THSD7A: variants seen among roughly 807,000 people sequenced by gnomAD.
The protein encoded by THSD7A is thrombospondin type 1 domain containing 7A.
In THSD7A, 96 loss-of-function variants were observed where a neutral mutation model predicts 231.3. The ratio of observed to expected loss-of-function variants is 0.41; its 90% CI spans 0.35 to 0.49. THSD7A has a LOEUF of 0.49. Among genes scored for constraint, THSD7A ranks in the 20% least tolerant of loss-of-function variants. THSD7A has a pLI of 0.05. For missense variants in THSD7A, 2,290 were observed against 2,070.2 expected (o/e 1.11, Z -2.06); for synonymous variants, 940 against 743.3 (o/e 1.26, Z -4.30).
At chr7:11,816,138 A>G (rs1222180784) in intron 1 of THSD7A, among the ~76,000 whole-genome samples, 1 of 152,180 alleles carries the variant, frequency 6.6e-6, no homozygotes, top group Non-Finnish European at 1.5e-5. Flanking sequence ...AGCCTCAAAT[A>G]GTTTATTTAC....
At chr7:11,472,685 G>C (rs1785985115) in intron 8 of THSD7A, among the ~76,000 whole-genome samples, 1 of 152,126 alleles carries the variant, frequency 6.6e-6, no homozygotes, top group Non-Finnish European at 1.5e-5. Context: ...AATCCAGCAG[G>C]CTCTTTCACA....
At chr7:11,766,337 G>A (rs181457834) in intron 1 of THSD7A, among the ~76,000 whole-genome samples, 1 of 152,268 alleles carries the variant, frequency 6.6e-6, no homozygotes, top group East Asian at 1.9e-4. Context: ...GATCTGAACA[G>A]CAATTTTATC....
chr7:11,447,430 A>G lies in THSD7A; in HGVS notation c.2606-6T>C, dbSNP rs1379282082. 3.2e-6 allele frequency: 5 copies of G among 1,541,824 alleles called. No individual in the cohort carries two copies. Among genetic ancestry groups the G allele is most frequent in the Non-Finnish European group, 3.5e-6 (4 of 1,147,876 alleles). ...TTGCTTGCGACAAGTAATGGCTAAA[A>G]GAAAAGCATAAAGCTGTTATAACAA... On this transcript the variant is annotated splice_polypyrimidine_tract_variant and splice_region_variant and intron_variant, in intron 11 of 27. Transcript: ENST00000423059.
intron 1 of THSD7A, among the ~76,000 whole-genome samples, chr7:11,786,197 C>T (rs1205673828): frequency 6.6e-6 from 1 of 151,228 alleles, no homozygotes; most frequent in Non-Finnish European, 1.5e-5. Context: ...AGACACTGGA[C>T]CTACTATACG....
intron 1 of THSD7A, among the ~76,000 whole-genome samples, chr7:11,766,949 A>G (rs952138706): frequency 2.0e-5 from 3 of 152,200 alleles, no homozygotes; most frequent in East Asian, 1.9e-4. Context: ...TATGGTAATG[A>G]TGATGTGGCA....
At chr7:11,504,040 CA>C (rs1374324642) in intron 6 of THSD7A, among the ~76,000 whole-genome samples, 1 of 151,970 alleles carries the variant, frequency 6.6e-6, no homozygotes, top group African/African-American at 2.4e-5. Context: ...TTCACAATAG[CA>C]AAGCCATGGA....
intron 1 of THSD7A, among the ~76,000 whole-genome samples, chr7:11,736,470 T>C (rs1781915682): frequency 6.8e-6 from 1 of 148,128 alleles, no homozygotes. Context: ...TGTGTGTGTG[T>C]GTGTGTGTGT....
intron 1 of THSD7A, among the ~76,000 whole-genome samples, chr7:11,661,378 T>C (rs1316585936): frequency 6.6e-6 from 1 of 151,372 alleles, no homozygotes; most frequent in Non-Finnish European, 1.5e-5. Flanking sequence ...ATAGGACAGC[T>C]AGATATCAGC....
intron 1 of THSD7A, among the ~76,000 whole-genome samples, chr7:11,811,540 T>TC (rs1301228530): frequency 6.6e-6 from 1 of 152,156 alleles, no homozygotes; most frequent in Non-Finnish European, 1.5e-5. Context: ...CTAATTTTCA[T>TC]CTCCTTCATC....
Position 11,636,333 on chromosome 7 carries a change from T to C in THSD7A, c.819A>G (p.Gln273=), listed in dbSNP as rs370739062. The change falls in exon 2 of 28, where the codon CAA becomes CAG. Residue 273 remains glutamine (Q), a synonymous_variant. Transcript: ENST00000423059. The surrounding 1 kb of genome is among the most constrained non-coding windows in gnomAD (Gnocchi z 10.0). ...CSMPHSRQVR[Q]ARRRGKNKER... ...CTTTATTCTTCCCGCGTCTCCTTGC[T>C]TGTCTTACTTGTCGGGAGTGGGGCA... The C allele has an allele frequency of 7.4e-6, 12 of 1,613,830 alleles. No homozygotes were observed. The African/African-American group carries it at 1.5e-4, about 20-fold the overall frequency.
At chr7:11,450,131 G>T (rs369251539) in intron 11 of THSD7A, among the ~76,000 whole-genome samples, 1 of 151,936 alleles carries the variant, frequency 6.6e-6, no homozygotes, top group Non-Finnish European at 1.5e-5. Context: ...TACAAATTTT[G>T]TTTCAGAATT....
intron 1 of THSD7A, among the ~76,000 whole-genome samples, chr7:11,666,152 G>T (rs1360248410): frequency 6.6e-6 from 1 of 152,068 alleles, no homozygotes; most frequent in Non-Finnish European, 1.5e-5. Context: ...TAATATTAGA[G>T]ATTGAGTATT....
intron 18 of THSD7A, 150 bp downstream of exon 18, chr7:11,412,506 C>T: frequency 1.1e-6 from 1 of 924,432 alleles, no homozygotes; most frequent in Non-Finnish European, 1.6e-6. Flanking sequence ...ATAAGTATTT[C>T]TGTCATTTAA....
chr7:11,734,465 T>G (rs1357624819), intron 1 of THSD7A, among the ~76,000 whole-genome samples: 2 of 152,016 alleles, frequency 1.3e-5, no homozygotes, highest in Non-Finnish European at 2.9e-5. Context: ...CTCACATACG[T>G]GGTCAATCTT....
intron 1 of THSD7A, among the ~76,000 whole-genome samples, chr7:11,721,519 ACT>A (rs541744576): frequency 0.15 from 22,659 of 151,764 alleles, 1,845 homozygotes; most frequent in Admixed American, 0.19. Flanking sequence ...AGCCTACGGA[ACT>A]GTGAGTCAAT....
intron 1 of THSD7A, among the ~76,000 whole-genome samples, chr7:11,707,307 A>G (rs988675167): frequency 6.6e-6 from 1 of 150,934 alleles, no homozygotes; most frequent in African/African-American, 2.4e-5. Context: ...TCTTTGCAAG[A>G]TATTTTTGCC....
chr7:11,793,878 A>G lies in THSD7A; in HGVS notation c.190+37879T>C, dbSNP rs570165725. ...TTTTTTGAATTTTTAAGGAAACACAAGTAAAAAACAGAAATCAAAACTAAC... is the reference window on the plus strand; with the variant it reads ...TTTTTTGAATTTTTAAGGAAACACAGGTAAAAAACAGAAATCAAAACTAAC... On this transcript the variant is annotated intron_variant, in intron 1 of 27. Coordinates refer to ENST00000423059, the MANE Select transcript of THSD7A (RefSeq NM_015204.3). Among the ~76,000 whole-genome samples, 218 of 152,056 alleles carry G rather than the reference A, an allele frequency of 1.4e-3. 1 individual carries two copies. Among genetic ancestry groups the G allele is most frequent in the African/African-American group, 5.1e-3 (211 of 41,554 alleles).
chr7:11,609,537 G>T (rs1780851227), intron 2 of THSD7A, among the ~76,000 whole-genome samples: 1 of 152,078 alleles, frequency 6.6e-6, no homozygotes, highest in Admixed American at 6.6e-5. Context: ...AGAACTGGGG[G>T]CAATTCTGCT....
At chr7:11,767,722 T>A (rs1191552825) in intron 1 of THSD7A, among the ~76,000 whole-genome samples, 1 of 152,166 alleles carries the variant, frequency 6.6e-6, no homozygotes, top group Non-Finnish European at 1.5e-5. Flanking sequence ...GGTCCTTAAT[T>A]AATTCTTGTT....
Sources: gnomAD v4.1 joint callset for allele counts (sites outside exome capture counted in the v4.1 genomes callset) on GRCh38, gnomAD v4.1.1 for gene constraint, Gnocchi (gnomAD v3.1) non-coding constraint, MANE v1.5 for transcripts, NCBI Gene and HGNC (gene_info 2026-07-23, HGNC 2026-07-21) for gene names.